The following USP25 variants were observed in gnomAD, a reference collection of about 807,000 sequenced individuals.
USP25 encodes ubiquitin specific peptidase 25.
In USP25, 85 loss-of-function variants were observed where a neutral mutation model predicts 158.5. The observed-to-expected ratio is 0.54, with a 90% CI of 0.45 to 0.64. The LOEUF (loss-of-function observed/expected upper bound fraction) is 0.64. Among genes scored for constraint, USP25 ranks in the 30% least tolerant of loss-of-function variants. The pLI, the probability that USP25 is intolerant of heterozygous loss-of-function variation, is 0.00. For synonymous variants in USP25, 464 were observed against 460.4 expected (o/e 1.01, Z -0.10); for missense variants, 1,242 against 1,327.3 (o/e 0.94, Z 1.00).
intron 21 of USP25, 25 bp downstream of exon 21, chr21:15,864,471 A>G: frequency 6.4e-7 from 1 of 1,563,062 alleles, no homozygotes; most frequent in East Asian, 2.3e-5. Context: ...TAAAATTCAT[A>G]TGCTCAAATC....
intron 5 of USP25, among the ~76,000 whole-genome samples, chr21:15,797,980 A>G (rs1352816543): frequency 6.6e-6 from 1 of 151,160 alleles, no homozygotes; most frequent in Non-Finnish European, 1.5e-5. Flanking sequence ...CATGCAAGGA[A>G]AAAAAACATA....
At chr21:15,795,993 A>C (rs1205920228) in intron 5 of USP25, among the ~76,000 whole-genome samples, 1 of 151,316 alleles carries the variant, frequency 6.6e-6, no homozygotes, top group African/African-American at 2.4e-5. Flanking sequence ...CTTTTTCACA[A>C]ATTATTTGAA....
chr21:15,823,607 T>G (rs1410482777), intron 10 of USP25, among the ~76,000 whole-genome samples: 1 of 152,130 alleles, frequency 6.6e-6, no homozygotes, highest in Non-Finnish European at 1.5e-5. Flanking sequence ...ATTTATGATA[T>G]AAATTTTTTT....
At position 15,821,188 on chromosome 21, in the gene USP25, T is replaced by A. The variant is rs1427792523; in HGVS notation, c.1080+2342T>A. Among the ~76,000 whole-genome samples the A allele has an allele frequency of 3.3e-5, 5 of 152,008 alleles. No individual in the cohort carries two copies. In the East Asian group the frequency reaches 9.7e-4, roughly 29 times the overall value. On this transcript the variant is annotated intron_variant, in intron 10 of 25. Coordinates refer to ENST00000400183, the MANE Select transcript of USP25 (RefSeq NM_001283041.3). ...ACTATTGCTATGCACATATAAGTAT[T>A]TGCATCTGTCCACACTGCCCCGAAA...
At position 15,865,636 on chromosome 21, in the gene USP25, A is replaced by G. The variant is rs145699918; in HGVS notation, c.2727-630A>G. Reference sequence around the variant, plus strand: ...CTGTGCTATCAGTGTACTGAGTTCCATTGGATCTATGCTGTTTAATTTGGA... The same window carrying G: ...CTGTGCTATCAGTGTACTGAGTTCCGTTGGATCTATGCTGTTTAATTTGGA... On this transcript the variant is annotated intron_variant, in intron 21 of 25. Transcript: ENST00000400183. Among the ~76,000 whole-genome samples, 1,166 of 152,248 alleles carry G rather than the reference A, an allele frequency of 7.7e-3. 8 individuals carry two copies. The highest frequency in any genetic ancestry group is 0.011 in the Non-Finnish European group (720 of 67,978).
chr21:15,812,446 A>G lies in USP25; in HGVS notation c.931+1236A>G, dbSNP rs560376608. Among the ~76,000 whole-genome samples, 8 of 152,282 alleles carry G rather than the reference A, an allele frequency of 5.3e-5. 1 individual carries two copies. In the East Asian group the frequency reaches 1.5e-3, roughly 29 times the overall value. ...GGTGGATCATGAGGTCAGGAGATCA[A>G]GACCATCCTGGCTAACACGGTGAAA... On this transcript the variant is annotated intron_variant, in intron 9 of 25. Transcript: ENST00000400183.
chr21:15,843,608 G>A lies in USP25; in HGVS notation c.2337+1068G>A, dbSNP rs1476046445. ...TAGATATTTGATGATTCCAAATTTT[G>A]CAAATGCCTTAGAAGCTTTAAATGA... On this transcript the variant is annotated intron_variant, in intron 18 of 25. Transcript: ENST00000400183. The surrounding 1 kb of genome is among the most constrained non-coding windows in gnomAD (Gnocchi z 4.0). Among the ~76,000 whole-genome samples, 1 of 152,040 alleles carries A rather than the reference G, an allele frequency of 6.6e-6. No homozygotes were observed. Among genetic ancestry groups the A allele is most frequent in the African/African-American group, 2.4e-5 (1 of 41,412 alleles).
chr21:15,733,819 G>A (rs2031210171), intron 1 of USP25, among the ~76,000 whole-genome samples: 1 of 152,268 alleles, frequency 6.6e-6, no homozygotes, highest in South Asian at 2.1e-4. Context: ...TCCAGCCTGG[G>A]CGACAGAGCA....
At chr21:15,820,700 A>T (rs2037187619) in intron 10 of USP25, among the ~76,000 whole-genome samples, 1 of 151,986 alleles carries the variant, frequency 6.6e-6, no homozygotes. Context: ...GTATTCTTGA[A>T]TCTCTAAAAG....
At chr21:15,825,506 G>A (rs2037457513) in intron 12 of USP25, among the ~76,000 whole-genome samples, 1 of 152,110 alleles carries the variant, frequency 6.6e-6, no homozygotes, top group East Asian at 1.9e-4. Flanking sequence ...AGCCTAGAGA[G>A]CAATCTGTGT....
intron 20 of USP25, among the ~76,000 whole-genome samples, chr21:15,850,975 C>T (rs927873056): frequency 2.0e-5 from 3 of 151,872 alleles, no homozygotes; most frequent in African/African-American, 4.8e-5. Context: ...AAATCTACTT[C>T]TAAAAAAAGA....
intron 4 of USP25, among the ~76,000 whole-genome samples, chr21:15,780,417 G>C (rs963935162): frequency 6.6e-6 from 1 of 152,192 alleles, no homozygotes; most frequent in Non-Finnish European, 1.5e-5. Flanking sequence ...GGACACAAGT[G>C]GAGTATGGAC....
At chr21:15,761,508 T>C (rs1346143650) in intron 1 of USP25, among the ~76,000 whole-genome samples, 2 of 152,172 alleles carry the variant, frequency 1.3e-5, no homozygotes, top group East Asian at 3.9e-4. Context: ...CTCAAGCATA[T>C]ATGCACTAAG....
At chr21:15,811,028 A>G in intron 8 of USP25, 109 bp from the exon 9 acceptor site, 1 of 912,868 alleles carries the variant, frequency 1.1e-6, no homozygotes, top group South Asian at 1.6e-5. Context: ...CAAGTGCGTG[A>G]TAGCCACATA....
intron 9 of USP25, among the ~76,000 whole-genome samples, chr21:15,812,638 G>A (rs1270539266): frequency 8.7e-5 from 13 of 149,894 alleles, no homozygotes; most frequent in African/African-American, 3.0e-4. Flanking sequence ...GAGACAGAGC[G>A]AGACTCCGTC....
At chr21:15,806,298 T>A (rs1232111220) in intron 7 of USP25, among the ~76,000 whole-genome samples, 1 of 152,162 alleles carries the variant, frequency 6.6e-6, no homozygotes, top group Non-Finnish European at 1.5e-5. Context: ...TACTTTTTTT[T>A]TTCTTCTTTA....
intron 21 of USP25, 75 bp from the exon 22 acceptor site, chr21:15,866,191 T>C (rs1317993846): frequency 8.5e-6 from 8 of 945,302 alleles, no homozygotes; most frequent in Non-Finnish European, 9.8e-6. Flanking sequence ...GGATTTTGCT[T>C]TTGATTTACA....
chr21:15,826,904 T>C lies in USP25; in HGVS notation c.1467-73T>C, dbSNP rs1331669153. ...TGAATTACAAGCCAATTTAATACTG[T>C]GGGTTTGGCACGATCTTTGTCAAGA... On this transcript the variant is annotated intron_variant, in intron 13 of 25. Coordinates refer to ENST00000400183, the MANE Select transcript of USP25 (RefSeq NM_001283041.3). The surrounding 1 kb of genome is among the most constrained non-coding windows in gnomAD (Gnocchi z 4.8). The C allele has an allele frequency of 6.7e-7, 1 of 1,492,752 alleles. No individual in the cohort carries two copies. Among genetic ancestry groups the C allele is most frequent in the East Asian group, 2.3e-5 (1 of 44,124 alleles). 92.5% of individuals were successfully genotyped at this position (1,492,752 alleles called of 1,614,324 possible).
intron 19 of USP25, 28 bp downstream of exon 19, chr21:15,847,804 G>C: frequency 6.9e-7 from 1 of 1,442,328 alleles, no homozygotes; most frequent in Non-Finnish European, 9.5e-7. Flanking sequence ...CTGCACCATT[G>C]CTACTTAACT....
Sources: allele counts gnomAD v4.1 joint callset (sites outside exome capture counted in the v4.1 genomes callset), GRCh38; gene constraint gnomAD v4.1.1; non-coding constraint Gnocchi (gnomAD v3.1); transcripts MANE v1.5; gene names NCBI Gene and HGNC (gene_info 2026-07-23, HGNC 2026-07-21).